The following CSMD1 variants were observed in gnomAD, a reference collection of about 807,000 sequenced individuals.
The protein encoded by CSMD1 is CUB and Sushi multiple domains 1, also known as CUB and sushi domain-containing protein 1.
A neutral mutation model predicts 417.5 loss-of-function variants in CSMD1; 213 were observed. The ratio of observed to expected loss-of-function variants is 0.51; its 90% CI spans 0.46 to 0.57. The LOEUF is 0.57. Among genes scored for constraint, CSMD1 ranks in the 20% least tolerant of loss-of-function variants. CSMD1 has a pLI of 0.00. For synonymous variants in CSMD1, 2,862 were observed against 1,736.8 expected (o/e 1.65, Z -16.11); for missense variants, 6,923 against 4,529.7 (o/e 1.53, Z -15.17).
intron 1 of CSMD1, among the ~76,000 whole-genome samples, chr8:4,930,860 AT>A (rs1807200766): frequency 6.6e-6 from 1 of 152,244 alleles, no homozygotes. Context: ...TAATTTCTTA[AT>A]AAAGGGTTCC....
chr8:4,882,221 T>C (rs923024733), intron 1 of CSMD1, among the ~76,000 whole-genome samples: 4 of 151,910 alleles, frequency 2.6e-5, no homozygotes, highest in Non-Finnish European at 4.4e-5. Context: ...TCCCACACAC[T>C]GGGACCAGCA....
intron 1 of CSMD1, among the ~76,000 whole-genome samples, chr8:4,930,451 T>C (rs933463586): frequency 4.6e-5 from 7 of 151,948 alleles, no homozygotes; most frequent in Admixed American, 2.6e-4. Flanking sequence ...AAATTTGACA[T>C]ACTGTTAGCT....
chr8:3,909,471 A>C (rs1270214945), intron 5 of CSMD1, among the ~76,000 whole-genome samples: 1 of 152,148 alleles, frequency 6.6e-6, no homozygotes, highest in Non-Finnish European at 1.5e-5. Flanking sequence ...CTGAGACAGC[A>C]GTGCGGAAAT....
chr8:3,162,367 C>A, intron 37 of CSMD1, 90 bp from the exon 38 acceptor site: 1 of 827,848 alleles, frequency 1.2e-6, no homozygotes, highest in Non-Finnish European at 2.0e-6. Flanking sequence ...TATTGCTCTC[C>A]TTCTGTAGAA....
chr8:3,134,079 G>T (rs537977963), intron 41 of CSMD1, among the ~76,000 whole-genome samples: 87 of 152,246 alleles, frequency 5.7e-4, no homozygotes, highest in African/African-American at 2.0e-3. Flanking sequence ...TCAGGAGGCA[G>T]GAGAATCACT....
chr8:4,655,148 C>CT (rs1804148058), intron 1 of CSMD1, among the ~76,000 whole-genome samples: 1 of 151,704 alleles, frequency 6.6e-6, no homozygotes, highest in African/African-American at 2.4e-5. Context: ...AGTTTTGATT[C>CT]TTTTGACTTT....
At chr8:4,987,450 T>C (rs1477748575) in intron 1 of CSMD1, among the ~76,000 whole-genome samples, 2 of 152,196 alleles carry the variant, frequency 1.3e-5, no homozygotes, top group Non-Finnish European at 1.5e-5. Context: ...GGGTTCATGG[T>C]TTATAATTAT....
chr8:3,709,138 A>G (rs948431310), intron 6 of CSMD1, among the ~76,000 whole-genome samples: 6 of 128,370 alleles, frequency 4.7e-5, no homozygotes, highest in African/African-American at 1.7e-4. Context: ...TGCATTAAAC[A>G]TTTTAAGAAG....
intron 7 of CSMD1, among the ~76,000 whole-genome samples, chr8:3,671,525 G>T (rs1464773033): frequency 2.1e-3 from 4 of 1,870 alleles, no homozygotes; most frequent in East Asian, 0.027. Flanking sequence ...TCATATATAT[G>T]ATCATATATA....
intron 5 of CSMD1, among the ~76,000 whole-genome samples, chr8:3,878,319 C>T (rs7842984): frequency 3.3e-5 from 5 of 152,124 alleles, no homozygotes; most frequent in Non-Finnish European, 7.4e-5. Flanking sequence ...ATATTCTCTA[C>T]ACTATTCTTT....
At chr8:3,330,666 G>A (rs1806834036) in intron 23 of CSMD1, among the ~76,000 whole-genome samples, 2 of 152,236 alleles carry the variant, frequency 1.3e-5, no homozygotes, top group East Asian at 3.9e-4. Context: ...GTGCCTGGGT[G>A]ACCAAATAAT....
intron 3 of CSMD1, among the ~76,000 whole-genome samples, chr8:4,376,400 A>T (rs2128915980): frequency 6.6e-6 from 1 of 152,254 alleles, no homozygotes; most frequent in South Asian, 2.1e-4. Flanking sequence ...CCGTGCTGTG[A>T]TTCTCTTGTG....
At chr8:3,848,801 G>T (rs1046808954) in intron 5 of CSMD1, among the ~76,000 whole-genome samples, 1 of 151,856 alleles carries the variant, frequency 6.6e-6, no homozygotes, top group Non-Finnish European at 1.5e-5. Context: ...AAAATGATTA[G>T]CAGCGATTTT....
chr8:3,280,524 A>G (rs1158251740), intron 26 of CSMD1, among the ~76,000 whole-genome samples: 1 of 152,144 alleles, frequency 6.6e-6, no homozygotes, highest in Non-Finnish European at 1.5e-5. Context: ...TCAATGTTAT[A>G]TTCTAGCCCC....
intron 2 of CSMD1, among the ~76,000 whole-genome samples, chr8:4,613,663 C>T (rs758753255): frequency 1.3e-5 from 2 of 151,790 alleles, no homozygotes; most frequent in Admixed American, 6.6e-5. Flanking sequence ...GAATTATATG[C>T]AAAAAATGTC....
chr8:4,093,518 T>C (rs1233577303), intron 3 of CSMD1, among the ~76,000 whole-genome samples: 2 of 152,206 alleles, frequency 1.3e-5, no homozygotes, highest in South Asian at 2.1e-4. Context: ...CAAAGGAATA[T>C]AGTGAAATTT....
intron 4 of CSMD1, among the ~76,000 whole-genome samples, chr8:4,017,903 C>T (rs2554596): frequency 0.34 from 50,968 of 151,948 alleles, 9,647 homozygotes; most frequent in East Asian, 0.64. Flanking sequence ...CTAATCATCA[C>T]GGTATTTCTG....
At chr8:3,808,859 G>A (rs558323428) in intron 5 of CSMD1, among the ~76,000 whole-genome samples, 4 of 152,266 alleles carry the variant, frequency 2.6e-5, no homozygotes, top group South Asian at 2.1e-4. Context: ...GCAGCCCTTA[G>A]GTCTCAATGA....
At chr8:3,794,738 G>A (rs2129069140) in intron 5 of CSMD1, among the ~76,000 whole-genome samples, 1 of 152,074 alleles carries the variant, frequency 6.6e-6, no homozygotes, top group South Asian at 2.1e-4. Context: ...TCTCACAGTT[G>A]CAACTTCCAG....
Sources: allele counts gnomAD v4.1 joint callset (sites outside exome capture counted in the v4.1 genomes callset), GRCh38; gene constraint gnomAD v4.1.1; transcripts MANE v1.5; gene names NCBI Gene and HGNC (gene_info 2026-07-23, HGNC 2026-07-21).